The following COL17A1 variants were observed in gnomAD, a reference collection of about 807,000 sequenced individuals.
COL17A1 encodes the protein collagen alpha-1(XVII) chain.
A neutral mutation model predicts 218.4 loss-of-function variants in COL17A1; 181 were observed. The observed-to-expected ratio is 0.83, with a 90% CI of 0.73 to 0.94. The LOEUF is 0.94. Among genes scored for constraint, COL17A1 ranks in the 40% least tolerant of loss-of-function variants. The pLI is 0.00. For synonymous variants in COL17A1, 721 were observed against 731.0 expected (o/e 0.99, Z 0.22); for missense variants, 1,924 against 1,945.9 (o/e 0.99, Z 0.21).
At chr10:104,061,936 A>G (rs1007292306) in intron 12 of COL17A1, among the ~76,000 whole-genome samples, 6 of 152,134 alleles carry the variant, frequency 3.9e-5, no homozygotes, top group Non-Finnish European at 8.8e-5. Context: ...AATCAACCAG[A>G]TGATTGATTT....
At chr10:104,052,062 T>C in intron 24 of COL17A1, 93 bp downstream of exon 24, 1 of 1,556,976 alleles carries the variant, frequency 6.4e-7, no homozygotes, top group South Asian at 1.1e-5. Flanking sequence ...GGGTTAGGGC[T>C]GTCTGGGGTC....
intron 8 of COL17A1, among the ~76,000 whole-genome samples, chr10:104,070,820 A>G (rs1388517614): frequency 6.6e-6 from 1 of 152,208 alleles, no homozygotes; most frequent in Non-Finnish European, 1.5e-5. Context: ...CTTGGGAGAT[A>G]TTTCCTAATT....
chr10:104,058,933 CAAA>C (rs11351494), intron 15 of COL17A1, among the ~76,000 whole-genome samples: 3 of 134,210 alleles, frequency 2.2e-5, no homozygotes, highest in Admixed American at 7.4e-5. Context: ...GACTCCGTCT[CAAA>C]AAAAAAAAAA....
intron 16 of COL17A1, 30 bp downstream of exon 16, chr10:104,058,116 G>A (rs762868171): frequency 6.2e-7 from 1 of 1,613,982 alleles, no homozygotes; most frequent in Non-Finnish European, 8.5e-7. Context: ...ACTGGATCCT[G>A]TCACTGCAGG....
Position 104,036,629 on chromosome 10 carries a change from T to A in COL17A1, c.3281A>T (p.Asp1094Val), listed in dbSNP as rs1462913906. The A allele has an allele frequency of 1.2e-6, 2 of 1,613,690 alleles. No individual in the cohort carries two copies. Among genetic ancestry groups the A allele is most frequent in the Non-Finnish European group, 1.7e-6 (2 of 1,179,870 alleles). Residue 1094 changes from aspartate to valine, a missense_variant, in exon 48 of 56, where the codon GAT (aspartate) becomes GTT (valine). By Grantham distance (152) the Asp-to-Val change is radical. Coordinates refer to ENST00000648076, the MANE Select transcript of COL17A1 (RefSeq NM_000494.4). The stretch of plus-strand genomic sequence containing the variant: ...CTGACGTAGGTACTGACGCACGTCA[T>A]CCCCTGGAGAGGAGAGGATGCACTA... ...SEDILAVLQR[D>V]DVRQYLRQYL...
chr10:104,038,566 ACCCTAGG>A, intron 44 of COL17A1, 38 bp from the exon 45 acceptor site: 1 of 1,604,294 alleles, frequency 6.2e-7, no homozygotes, highest in Non-Finnish European at 8.5e-7. Context: ...CGGTTTCTCC[ACCCTAGG>A]GTCAGACAAA....
At chr10:104,060,404 T>A in intron 13 of COL17A1, 124 bp from the exon 14 acceptor site, 1 of 1,375,926 alleles carries the variant, frequency 7.3e-7, no homozygotes, top group Non-Finnish European at 1.0e-6. Context: ...CAGGTGTGTA[T>A]GAGGGTCTCT....
At chr10:104,065,229 G>A (rs776185892) in intron 9 of COL17A1, among the ~76,000 whole-genome samples, 65 of 152,318 alleles carry the variant, frequency 4.3e-4, no homozygotes, top group Non-Finnish European at 3.8e-4. Context: ...AGCCAGCCAT[G>A]CAGGTCAGAA....
intron 39 of COL17A1, 146 bp downstream of exon 39, chr10:104,040,919 G>A: frequency 6.4e-6 from 6 of 933,362 alleles, no homozygotes; most frequent in Non-Finnish European, 1.0e-5. Context: ...TGTGCAGCAA[G>A]CAGGAAGATT....
At chr10:104,081,571 C>A (rs1029316326) in intron 1 of COL17A1, among the ~76,000 whole-genome samples, 1 of 152,178 alleles carries the variant, frequency 6.6e-6, no homozygotes, top group African/African-American at 2.4e-5. Context: ...TGCTGCCTGG[C>A]CCCAGGTTCT....
Position 104,061,411 on chromosome 10 carries a change from A to C in COL17A1, c.973T>G (p.Ser325Ala). Residue 325 changes from serine (S) to alanine (A), a missense_variant, in exon 13 of 56, where the codon TCC (serine) becomes GCC (alanine). Ser to Ala is a moderately conservative substitution (Grantham distance 99, BLOSUM62 1). Coordinates refer to ENST00000648076, the MANE Select transcript of COL17A1 (RefSeq NM_000494.4). ...PAAVNTGVST[S>A]AACTTSVQSD... The stretch of plus-strand genomic sequence containing the variant: ...AGCTGGGAGCAGCACTCACCGGCGG[A>C]GGTGGAAACGCCAGTGTTCACAGCC... 6.2e-7 allele frequency: 1 copy of C among 1,613,270 alleles called. No homozygotes were observed. The highest frequency in any genetic ancestry group is 8.5e-7 in the Non-Finnish European group (1 of 1,179,860).
At chr10:104,045,944 C>A in intron 32 of COL17A1, 151 bp from the exon 33 acceptor site, 1 of 727,190 alleles carries the variant, frequency 1.4e-6, no homozygotes, top group South Asian at 1.5e-5. Context: ...TTAGTCTAGA[C>A]AACCCCGGGG....
intron 22 of COL17A1, among the ~76,000 whole-genome samples, chr10:104,053,706 C>T (rs564567122): frequency 3.5e-4 from 53 of 152,204 alleles, no homozygotes; most frequent in Admixed American, 1.7e-3. Context: ...GTGCATCACC[C>T]GTAAACTGCT....
In COL17A1 at chr10:104,038,468, G is replaced by T. The variant is rs1376903563; in HGVS notation, c.3008C>A (p.Pro1003His). 7 of 1,613,046 alleles carry T rather than the reference G, an allele frequency of 4.3e-6. No homozygotes were observed. Among genetic ancestry groups the T allele is most frequent in the Non-Finnish European group, 5.9e-6 (7 of 1,179,470 alleles). ...GPPGPPGPPG[P>H]PGSISSSGQE... The stretch of plus-strand genomic sequence containing the variant: ...GCCAGAGCTGCTGATAGAGCCCGGA[G>T]GCCCAGGGGGCCCAGGGGGCCCTGG... The change falls in exon 45 of 56, where the codon CCT (proline) becomes CAT (histidine). Residue 1003 changes from proline (P) to histidine (H), a missense_variant. Coordinates refer to ENST00000648076, the MANE Select transcript of COL17A1 (RefSeq NM_000494.4).
chr10:104,069,722 G>A (rs150493158), intron 9 of COL17A1, among the ~76,000 whole-genome samples: 6 of 151,872 alleles, frequency 4.0e-5, no homozygotes, highest in South Asian at 2.1e-4. Flanking sequence ...AAAGGACTTC[G>A]AACTCAAACC....
At chr10:104,078,401 A>T (rs1247287109) in intron 3 of COL17A1, 141 bp downstream of exon 3, 1 of 1,094,072 alleles carries the variant, frequency 9.1e-7, no homozygotes, top group East Asian at 2.6e-5. Context: ...AAACTGGCGA[A>T]TTCTGTTGTA....
At chr10:104,057,558 G>A (rs920784545) in intron 16 of COL17A1, among the ~76,000 whole-genome samples, 1 of 150,752 alleles carries the variant, frequency 6.6e-6, no homozygotes, top group African/African-American at 2.4e-5. Flanking sequence ...ATATAGCATT[G>A]GTCTGCATCT....
At position 104,085,817 on chromosome 10, in the gene COL17A1, T is replaced by C. The variant is rs539530758; in HGVS notation, c.-106A>G. 1.3e-5 allele frequency: 2 copies of C among 152,780 alleles called. No individual in the cohort carries two copies. The highest frequency in any genetic ancestry group is 3.9e-4 in the East Asian group (2 of 5,190). 9.5% of individuals were successfully genotyped at this position (152,780 alleles called of 1,614,324 possible). On this transcript the variant is annotated 5_prime_UTR_variant, in exon 1 of 56. Transcript: ENST00000648076. ...GTTTTCTTCTAGAAATTTGCAGTGC[T>C]CACTTTTTTTTTATCCAGACCCAGC...
intron 5 of COL17A1, among the ~76,000 whole-genome samples, chr10:104,075,397 C>CTG (rs1395385796): frequency 6.6e-6 from 1 of 152,156 alleles, no homozygotes; most frequent in Non-Finnish European, 1.5e-5. Context: ...AGAACCCAAC[C>CTG]TGTGTGTGAA....
Sources: allele counts gnomAD v4.1 joint callset (sites outside exome capture counted in the v4.1 genomes callset), GRCh38; gene constraint gnomAD v4.1.1; transcripts MANE v1.5; gene names NCBI Gene and HGNC (gene_info 2026-07-23, HGNC 2026-07-21).